Variants in CPVL observed in about 807,000 individuals in gnomAD.
CPVL encodes carboxypeptidase vitellogenic like, also known as probable serine carboxypeptidase CPVL.
Under a neutral mutation model 63.7 loss-of-function variants are expected in CPVL, and 51 were observed. The ratio of observed to expected loss-of-function variants is 0.80; its 90% CI spans 0.64 to 1.01. CPVL has a LOEUF of 1.01. Ranked by LOEUF, CPVL falls within the 50% of genes least tolerant of loss-of-function variation. The pLI, the probability that CPVL is intolerant of heterozygous loss-of-function variation, is 0.00. For synonymous variants in CPVL, 195 were observed against 206.0 expected, an observed-to-expected ratio of 0.95 and a Z score of 0.46; for missense variants, 530 against 573.1, an observed-to-expected ratio of 0.92 and a Z score of 0.77.
intron 5 of CPVL, among the ~76,000 whole-genome samples, chr7:29,165,889 C>T (rs1276774755): frequency 6.6e-6 from 1 of 152,078 alleles, no homozygotes; most frequent in Non-Finnish European, 1.5e-5. Flanking sequence ...TGAGATAAAC[C>T]TTTTATTTGG....
chr7:29,006,724 T>G (rs1349523272), intron 12 of CPVL, among the ~76,000 whole-genome samples: 1 of 152,204 alleles, frequency 6.6e-6, no homozygotes, highest in Non-Finnish European at 1.5e-5. Context: ...ATACACAGCA[T>G]GCCAAATAGC....
rs764573965 is a variant in CPVL, at chr7:28,995,793, T to A, written c.1410A>T (p.Gly470=). The part of the protein sequence containing the change: ...DMINRFIYGK[G]WDPYVG The stretch of plus-strand genomic sequence containing the variant: ...TAGTTTATCCAACATAAGGATCCCA[T>A]CCTTTTCCATAAATGAATCGATTAA... The change falls in exon 13 of 13, where the codon GGA becomes GGT. Residue 470 remains glycine (G), a synonymous_variant. Coordinates refer to ENST00000265394, the MANE Select transcript of CPVL (RefSeq NM_031311.5). The A allele has an allele frequency of 6.2e-7, 1 of 1,603,252 alleles. No individual in the cohort carries two copies. Among genetic ancestry groups the A allele is most frequent in the Non-Finnish European group, 8.5e-7 (1 of 1,175,136 alleles).
At chr7:29,106,027 G>A (rs1220701955) in intron 3 of CPVL, among the ~76,000 whole-genome samples, 1 of 152,208 alleles carries the variant, frequency 6.6e-6, no homozygotes, top group African/African-American at 2.4e-5. Flanking sequence ...CCAGACCTCG[G>A]TGGAGAAGGT....
intron 1 of CPVL, chr7:29,192,140 T>TC (rs1782965589): frequency 6.6e-6 from 1 of 152,176 alleles, no homozygotes; most frequent in South Asian, 2.1e-4. Context: ...AGACTGGGCC[T>TC]CCCCCATCAG....
chr7:29,142,583 G>C (rs1792013636), intron 1 of CPVL, among the ~76,000 whole-genome samples: 1 of 145,390 alleles, frequency 6.9e-6, no homozygotes, highest in Non-Finnish European at 1.5e-5. Context: ...CTGGAGTGTA[G>C]TGGTGCAATC....
intron 11 of CPVL, among the ~76,000 whole-genome samples, chr7:29,046,894 G>A (rs1301037533): frequency 6.6e-6 from 1 of 152,146 alleles, no homozygotes; most frequent in Non-Finnish European, 1.5e-5. Flanking sequence ...TACAATCAGT[G>A]TATGAGAGTG....
Position 29,058,358 on chromosome 7 carries a change from T to C in CPVL, c.1137+5703A>G, listed in dbSNP as rs111334755. Among the ~76,000 whole-genome samples, 636 of 152,270 alleles carry C rather than the reference T, an allele frequency of 4.2e-3. 5 individuals are homozygous for C. The highest frequency in any genetic ancestry group is 0.014 in the African/African-American group (574 of 41,574). On this transcript the variant is annotated intron_variant, in intron 11 of 12. Coordinates refer to ENST00000265394, the MANE Select transcript of CPVL (RefSeq NM_031311.5). The stretch of plus-strand genomic sequence containing the variant: ...TACATAGGAAAGTGATTAACTTTTC[T>C]ATATTAACCTTATATCCTGCAACCT...
chr7:29,167,348 A>C (rs943100482), intron 5 of CPVL, among the ~76,000 whole-genome samples: 1 of 152,184 alleles, frequency 6.6e-6, no homozygotes, highest in Non-Finnish European at 1.5e-5. Flanking sequence ...TTCATATTCT[A>C]TCCTAAATGG....
At chr7:29,166,673 T>G (rs542438074) in intron 5 of CPVL, among the ~76,000 whole-genome samples, 1 of 152,196 alleles carries the variant, frequency 6.6e-6, no homozygotes, top group African/African-American at 2.4e-5. Context: ...AATATTTTCT[T>G]ATACTTTTAG....
intron 5 of CPVL, among the ~76,000 whole-genome samples, chr7:29,161,832 A>G (rs1325475965): frequency 6.6e-6 from 1 of 152,228 alleles, no homozygotes; most frequent in African/African-American, 2.4e-5. Flanking sequence ...GTCAACAGTG[A>G]GAAAACAATC....
At chr7:29,021,408 A>C (rs1786964359) in intron 12 of CPVL, among the ~76,000 whole-genome samples, 1 of 152,084 alleles carries the variant, frequency 6.6e-6, no homozygotes, top group East Asian at 1.9e-4. Flanking sequence ...GAAGGACCAG[A>C]ATGGCAAATA....
intron 1 of CPVL, chr7:29,126,420 T>TC (rs1309655945): frequency 1.3e-5 from 2 of 152,102 alleles, no homozygotes; most frequent in East Asian, 3.9e-4. Context: ...TAGCTCACAC[T>TC]CCAATTCCAA....
exon 1 of CPVL, chr7:29,195,095 C>A: frequency 1.2e-5 from 16 of 1,285,122 alleles, no homozygotes; most frequent in Non-Finnish European, 1.7e-5. Context: ...ATCCCGCCCG[C>A]TCTCTCGGAA....
At chr7:29,045,818 A>T (rs1789555372) in intron 11 of CPVL, among the ~76,000 whole-genome samples, 1 of 152,216 alleles carries the variant, frequency 6.6e-6, no homozygotes, top group African/African-American at 2.4e-5. Context: ...AATGAGTTAG[A>T]TTTGCTGGAA....
At chr7:29,134,453 T>C (rs1790993115) in intron 1 of CPVL, among the ~76,000 whole-genome samples, 1 of 152,094 alleles carries the variant, frequency 6.6e-6, no homozygotes, top group Admixed American at 6.5e-5. Context: ...TCCAACTTGG[T>C]AGAAAATCCA....
intron 4 of CPVL, among the ~76,000 whole-genome samples, chr7:29,181,933 T>C (rs1562812653): frequency 1.3e-5 from 2 of 152,234 alleles, no homozygotes; most frequent in African/African-American, 4.8e-5. Flanking sequence ...GTTTTACTTA[T>C]CTCTTTTTTG....
chr7:29,134,107 C>T (rs904330113), intron 1 of CPVL, among the ~76,000 whole-genome samples: 5 of 152,194 alleles, frequency 3.3e-5, no homozygotes, highest in South Asian at 4.1e-4. Flanking sequence ...AGATACCCTA[C>T]TGAAAACTCA....
At chr7:29,153,259 GAA>G (rs1793858011) in intron 5 of CPVL, among the ~76,000 whole-genome samples, 1 of 152,190 alleles carries the variant, frequency 6.6e-6, no homozygotes, top group Non-Finnish European at 1.5e-5. Context: ...AGCCTCCAAA[GAA>G]AGAGGCAGGC....
At chr7:29,141,819 G>A (rs928258703) in intron 1 of CPVL, among the ~76,000 whole-genome samples, 1 of 151,838 alleles carries the variant, frequency 6.6e-6, no homozygotes, top group African/African-American at 2.4e-5. Context: ...GGAGGCTGAG[G>A]CAGGAGAATC....
Sources: gnomAD v4.1 joint callset for allele counts (sites outside exome capture counted in the v4.1 genomes callset) on GRCh38, gnomAD v4.1.1 for gene constraint, MANE v1.5 for transcripts, NCBI Gene and HGNC (gene_info 2026-07-23, HGNC 2026-07-21) for gene names.